Variants in TTLL13 observed in about 807,000 individuals in gnomAD.
TTLL13 encodes tubulin polyglutamylase TTLL13.
chr15:90,261,888 C>G, the TTLL13 span: 1 of 794,296 alleles, frequency 1.3e-6, no homozygotes, highest in Non-Finnish European at 1.9e-6. Flanking sequence ...CCTACTTGGG[C>G]AGGGGCCCAG....
At chr15:90,251,520 A>G in the TTLL13 span, 1 of 1,601,540 alleles carries the variant, frequency 6.2e-7, no homozygotes, top group Admixed American at 1.7e-5. Context: ...CTTCCCTCCC[A>G]CTCTTCCTGA....
chr15:90,256,007 C>T, the TTLL13 span: 1 of 1,563,122 alleles, frequency 6.4e-7, no homozygotes, highest in South Asian at 1.2e-5. Context: ...AAAGTTTCAG[C>T]TGGTCAAAGA....
the TTLL13 span, chr15:90,253,324 G>A: frequency 1.9e-6 from 3 of 1,613,528 alleles, no homozygotes; most frequent in Non-Finnish European, 2.5e-6. Context: ...TGGACAGACT[G>A]CGCTGTCTCA....
chr15:90,251,824 G>GA, the TTLL13 span, among the ~76,000 whole-genome samples: 87,011 of 130,514 alleles, frequency 0.67, 27,681 homozygotes, highest in African/African-American at 0.75. Context: ...CAGTAAACAA[G>GA]AAAAAAAAAA....
chr15:90,252,568 C>A, the TTLL13 span, among the ~76,000 whole-genome samples: 1 of 151,314 alleles, frequency 6.6e-6, no homozygotes, highest in East Asian at 1.9e-4. Context: ...AGAAAAAAAA[C>A]AATCTCCAGC....
chr15:90,251,631 A>C, the TTLL13 span: 1 of 1,605,878 alleles, frequency 6.2e-7, no homozygotes, highest in Non-Finnish European at 8.5e-7. Context: ...TGTGGTGCAT[A>C]ACATGGTGCC....
chr15:90,258,501 C>A, the TTLL13 span: 27 of 615,774 alleles, frequency 4.4e-5, 1 homozygote, highest in South Asian at 4.7e-4. Flanking sequence ...ATCCCCAGTG[C>A]CCTAATGTAA....
the TTLL13 span, chr15:90,262,759 C>T: frequency 3.9e-6 from 5 of 1,282,492 alleles, no homozygotes; most frequent in Admixed American, 2.9e-5. Flanking sequence ...TCTTCTCCTC[C>T]CCATGCACAA....
the TTLL13 span, among the ~76,000 whole-genome samples, chr15:90,254,861 A>T: frequency 6.6e-6 from 1 of 152,188 alleles, no homozygotes; most frequent in Non-Finnish European, 1.5e-5. Flanking sequence ...AGGGGGAAAA[A>T]AAAAGGATAA....
chr15:90,258,918 G>A, the TTLL13 span: 42 of 1,614,062 alleles, frequency 2.6e-5, no homozygotes, highest in African/African-American at 1.6e-4. Context: ...CGACAGCCAC[G>A]AGAATCTAGG....
the TTLL13 span, chr15:90,257,285 A>G: frequency 6.2e-7 from 1 of 1,610,110 alleles, no homozygotes; most frequent in Admixed American, 1.7e-5. Flanking sequence ...CAACCTGGTA[A>G]GGGGACTGGG....
At chr15:90,252,992 G>A in the TTLL13 span, among the ~76,000 whole-genome samples, 14 of 152,202 alleles carry the variant, frequency 9.2e-5, no homozygotes, top group East Asian at 2.5e-3. Context: ...GCGAAACTCC[G>A]TCTCTAAAAA....
At chr15:90,251,569 C>T in the TTLL13 span, 1 of 1,614,064 alleles carries the variant, frequency 6.2e-7, no homozygotes, top group Non-Finnish European at 8.5e-7. Context: ...TGGCCATCAA[C>T]CTGACCAACT....
the TTLL13 span, chr15:90,263,270 A>C: frequency 7.3e-5 from 64 of 879,098 alleles, no homozygotes; most frequent in Non-Finnish European, 1.0e-4. Context: ...GGGAAAGCAG[A>C]GTGCGCTAGC....
the TTLL13 span, chr15:90,251,433 C>T: frequency 2.8e-6 from 3 of 1,062,544 alleles, no homozygotes; most frequent in African/African-American, 4.7e-5. Context: ...CCATCCTGGT[C>T]TGTCTTTTAA....
the TTLL13 span, among the ~76,000 whole-genome samples, chr15:90,251,114 C>CTTTTTTTTTTTTTT: frequency 8.6e-4 from 90 of 104,646 alleles, 7 homozygotes; most frequent in African/African-American, 1.8e-3. Flanking sequence ...CCTGGTCTGT[C>CTTTTTTTTTTTTTT]TTTTTTTTTT....
the TTLL13 span, among the ~76,000 whole-genome samples, chr15:90,256,494 G>A: frequency 6.6e-6 from 1 of 152,142 alleles, no homozygotes; most frequent in Non-Finnish European, 1.5e-5. Context: ...TCCCAGATAT[G>A]TGACCTTGGG....
At chr15:90,263,512 A>C in the TTLL13 span, 4 of 523,408 alleles carry the variant, frequency 7.6e-6, no homozygotes, top group Non-Finnish European at 1.4e-5. Flanking sequence ...CCCCAGCTCT[A>C]ATGGGAGATA....
chr15:90,265,053 C>A, the TTLL13 span: 3 of 1,423,188 alleles, frequency 2.1e-6, no homozygotes, highest in Non-Finnish European at 2.8e-6. Flanking sequence ...GAATGACTGC[C>A]ACCAAGTTCC....
Sources: gnomAD v4.1 joint callset for allele counts (sites outside exome capture counted in the v4.1 genomes callset) on GRCh38, gnomAD v4.1.1 for gene constraint, MANE v1.5 for transcripts, NCBI Gene and HGNC (gene_info 2026-07-23, HGNC 2026-07-21) for gene names.